The following CYLC2 variants were observed in gnomAD, a reference collection of about 807,000 sequenced individuals.
CYLC2 encodes cylicin 2, also known as cylicin-2.
CYLC2 carries 30 observed loss-of-function variants against 26.1 expected under a neutral mutation model. The observed-to-expected ratio is 1.15, with a 90% confidence interval of 0.86 to 1.56. CYLC2 has a LOEUF of 1.56. Among genes scored for constraint, CYLC2 ranks in the 40% most tolerant of loss-of-function variants. The pLI is 0.00. For synonymous variants in CYLC2, 158 were observed against 132.8 expected, an observed-to-expected ratio of 1.19 and a Z score of -1.31; for missense variants, 498 against 394.4, an observed-to-expected ratio of 1.26 and a Z score of -2.23.
chr9:102,999,989 T>C (rs1230641263), intron 1 of CYLC2, among the ~76,000 whole-genome samples: 1 of 151,842 alleles, frequency 6.6e-6, no homozygotes, highest in Non-Finnish European at 1.5e-5. Context: ...TGAAACATAC[T>C]TACTCCTCCT....
intron 3 of CYLC2, among the ~76,000 whole-genome samples, chr9:103,003,932 G>T (rs1829313925): frequency 6.6e-6 from 1 of 151,984 alleles, no homozygotes; most frequent in Non-Finnish European, 1.5e-5. Flanking sequence ...TATGCTCAAA[G>T]AAAAGTTTTC....
At position 102,997,089 on chromosome 9, in the gene CYLC2, T is replaced by C. The variant is rs547235058; in HGVS notation, c.17+1692T>C. Among the ~76,000 whole-genome samples, 224 of 152,046 alleles carry C rather than the reference T, an allele frequency of 1.5e-3. 1 individual carries two copies. Among genetic ancestry groups the C allele is most frequent in the Middle Eastern group, 0.014 (4 of 294 alleles). ...CTATTGAGTAGCATTACTAAAGTCGTCTCTTACTATCCTGGTCTAGGGATT... is the reference window on the plus strand; with the variant it reads ...CTATTGAGTAGCATTACTAAAGTCGCCTCTTACTATCCTGGTCTAGGGATT... On this transcript the variant is annotated intron_variant, in intron 1 of 7. Coordinates refer to ENST00000374798, the MANE Select transcript of CYLC2 (RefSeq NM_001340.5).
chr9:103,010,618 G>A (rs1829396906), intron 5 of CYLC2: 1 of 152,048 alleles, frequency 6.6e-6, no homozygotes, highest in South Asian at 2.1e-4. Context: ...CACAGGTTCA[G>A]TTTCTTCATA....
chr9:103,011,816 G>T (rs1829409471), intron 5 of CYLC2, among the ~76,000 whole-genome samples, 166 bp from the exon 6 acceptor site: 1 of 151,858 alleles, frequency 6.6e-6, no homozygotes, highest in Non-Finnish European at 1.5e-5. Flanking sequence ...ACAAAGTTTG[G>T]CCTCTTTAGA....
In CYLC2 at chr9:103,006,066, AC is replaced by A. The variant is rs1829346397; in HGVS notation, c.*389del. On this transcript the variant is annotated 3_prime_UTR_variant, in exon 5 of 8. Coordinates refer to ENST00000374798, the MANE Select transcript of CYLC2 (RefSeq NM_001340.5). ...CACACACACACACACACACACACACACACACAGTTTAATGAAGGCTTAAAGA... is the reference window on the plus strand; with the variant it reads ...CACACACACACACACACACACACACAACACAGTTTAATGAAGGCTTAAAGA... The A allele has an allele frequency of 6.8e-6, 1 of 147,672 alleles. No individual in the cohort carries two copies. Among genetic ancestry groups the A allele is most frequent in the Non-Finnish European group, 1.4e-5 (1 of 70,226 alleles). 9.1% of individuals were successfully genotyped at this position (147,672 alleles called of 1,614,324 possible).
chr9:103,014,323 A>G (rs1297387085), intron 6 of CYLC2, among the ~76,000 whole-genome samples: 1 of 135,838 alleles, frequency 7.4e-6, no homozygotes, highest in Non-Finnish European at 1.5e-5. Flanking sequence ...TGTATATATT[A>G]CATAATGTAT....
At position 103,005,265 on chromosome 9, in the gene CYLC2, G is replaced by A; in HGVS notation, c.634G>A (p.Gly212Ser). The change falls in exon 5 of 8, where the codon GGT becomes AGT. Residue 212 changes from glycine to serine, a missense_variant. Gly to Ser is a moderately conservative substitution (Grantham distance 56, BLOSUM62 0). Transcript: ENST00000374798. The stretch of plus-strand genomic sequence containing the variant: ...AACAGAATCTGAAGGTGAAAAAGGA[G>A]GTACAGAGAAAGATAGCAAAAAAGG... ...SATESEGEKGGTEKDSKKGKK... is the reference protein window; with the variant it reads ...SATESEGEKGSTEKDSKKGKK... 1.2e-6 allele frequency: 2 copies of A among 1,613,414 alleles called. No homozygotes were observed. The highest frequency in any genetic ancestry group is 1.7e-6 in the Non-Finnish European group (2 of 1,179,844).
At chr9:103,002,767 T>C (rs905317141) in intron 2 of CYLC2, among the ~76,000 whole-genome samples, 1 of 152,148 alleles carries the variant, frequency 6.6e-6, no homozygotes, top group African/African-American at 2.4e-5. Context: ...CTAAGTACTA[T>C]GGGAGCTACA....
At chr9:102,999,343 CT>C (rs1829266341) in intron 1 of CYLC2, among the ~76,000 whole-genome samples, 1 of 151,872 alleles carries the variant, frequency 6.6e-6, no homozygotes, top group African/African-American at 2.4e-5. Context: ...ATCATATAAA[CT>C]TATTACATTT....
chr9:102,995,822 T>G (rs1393786000), intron 1 of CYLC2, among the ~76,000 whole-genome samples: 2 of 151,866 alleles, frequency 1.3e-5, no homozygotes, highest in African/African-American at 2.4e-5. Context: ...AGTGTTAACC[T>G]TTAGTAAAAA....
At chr9:103,000,789 C>T (rs983483695) in intron 1 of CYLC2, among the ~76,000 whole-genome samples, 12 of 152,030 alleles carry the variant, frequency 7.9e-5, no homozygotes, top group African/African-American at 2.2e-4. Flanking sequence ...TCATGACCAA[C>T]GATGGCTCTA....
intron 6 of CYLC2, among the ~76,000 whole-genome samples, chr9:103,015,100 C>T (rs1161317322): frequency 1.0e-4 from 6 of 58,428 alleles, no homozygotes; most frequent in African/African-American, 3.2e-4. Context: ...ATGTATATCA[C>T]GTGATATACA....
Position 102,995,360 on chromosome 9 carries a change from GGC to G in CYLC2, c.-20_-19del. 6.3e-7 allele frequency: 1 copy of G among 1,599,778 alleles called. No homozygotes were observed. ...TTTGAACTTACAATACTTAAGTCCT[GGC>G]AAGTCATAAGTGGGGAAAATGTCTC... On this transcript the variant is annotated 5_prime_UTR_variant, in exon 1 of 8. Coordinates refer to ENST00000374798, the MANE Select transcript of CYLC2 (RefSeq NM_001340.5).
At chr9:103,016,070 G>A (rs1829501819) in intron 6 of CYLC2, among the ~76,000 whole-genome samples, 1 of 151,282 alleles carries the variant, frequency 6.6e-6, no homozygotes, top group African/African-American at 2.4e-5. Flanking sequence ...TATATATACA[G>A]ATTTAGATAG....
chr9:103,012,202 C>G (rs1829414069), intron 6 of CYLC2, 105 bp downstream of exon 6: 1 of 152,408 alleles, frequency 6.6e-6, no homozygotes, highest in African/African-American at 2.4e-5. Flanking sequence ...CTCAAGTGAT[C>G]TGCTCACCTT....
intron 2 of CYLC2, 32 bp from the exon 3 acceptor site, chr9:103,003,110 C>A (rs780832919): frequency 4.3e-6 from 7 of 1,611,270 alleles, no homozygotes; most frequent in Admixed American, 3.3e-5. Context: ...TCTATTCACT[C>A]CAAAATGTGT....
At position 103,001,466 on chromosome 9, in the gene CYLC2, T is replaced by C. The variant is rs977390568; in HGVS notation, c.18-112T>C. ...CTTATATAACAAAAGATATCTGAGA[T>C]TGTGAAATATTTCTCTAGTTGTTGG... On this transcript the variant is annotated intron_variant, in intron 1 of 7. Transcript: ENST00000374798. 4 of 666,070 alleles carry C rather than the reference T, an allele frequency of 6.0e-6. No homozygotes were observed. The East Asian group carries it at 8.3e-5, about 14-fold the overall frequency. The allele number at this position is 666,070 out of a possible 1,614,324, so 41.3% of individuals were successfully genotyped here.
intron 1 of CYLC2, among the ~76,000 whole-genome samples, chr9:102,999,171 A>G (rs1232890700): frequency 6.6e-6 from 1 of 151,768 alleles, no homozygotes; most frequent in African/African-American, 2.4e-5. Flanking sequence ...TTTTATATGT[A>G]TTTTAATAAC....
Position 103,014,551 on chromosome 9 carries a change from CAGTATACATCATATGTATATTAT to C in CYLC2, c.*817-2336_*817-2314del, listed in dbSNP as rs1445939529. 1.3e-3 allele frequency among the ~76,000 whole-genome samples: 184 copies of C among 138,602 alleles called. 22 individuals carry two copies. Among genetic ancestry groups the C allele is most frequent in the East Asian group, 5.8e-3 (25 of 4,286 alleles). 90.9% of individuals were successfully genotyped at this position (138,602 alleles called of 152,430 possible). A position where few individuals can be genotyped will look rare whatever the true frequency, so the allele number is the denominator to read the frequency against. On this transcript the variant is annotated intron_variant, in intron 6 of 7. Coordinates refer to ENST00000374798, the MANE Select transcript of CYLC2 (RefSeq NM_001340.5). ...CAATATACATCATATGTATATTATG[CAGTATACATCATATGTATATTAT>C]GCAGTATACATCATATGTATATTAT... is the stretch of plus-strand genomic sequence containing the variant.
Sources: gnomAD v4.1 joint callset for allele counts (sites outside exome capture counted in the v4.1 genomes callset) on GRCh38, gnomAD v4.1.1 for gene constraint, MANE v1.5 for transcripts, NCBI Gene and HGNC (gene_info 2026-07-23, HGNC 2026-07-21) for gene names.